TRAPPC9: variants seen among roughly 807,000 people sequenced by gnomAD.
TRAPPC9 encodes the protein IKK2 binding protein.
TRAPPC9 carries 83 observed loss-of-function variants against 124.0 expected under a neutral mutation model. The observed-to-expected ratio is 0.67, with a 90% confidence interval of 0.56 to 0.80. The LOEUF is 0.80. Ranked by LOEUF, TRAPPC9 falls within the 30% of genes least tolerant of loss-of-function variation. The pLI is 0.00. For synonymous variants in TRAPPC9, 638 were observed against 617.5 expected, an observed-to-expected ratio of 1.03 and a Z score of -0.49; for missense variants, 1,302 against 1,508.3, an observed-to-expected ratio of 0.86 and a Z score of 2.27.
chr8:140,148,534 A>G (rs2061494885), intron 17 of TRAPPC9, among the ~76,000 whole-genome samples: 1 of 152,220 alleles, frequency 6.6e-6, no homozygotes, highest in South Asian at 2.1e-4. Context: ...AAGGCCATAA[A>G]TAGTCCACAT....
At chr8:140,275,610 G>C (rs1321151859) in intron 15 of TRAPPC9, 48 bp downstream of exon 15, 11 of 1,584,466 alleles carry the variant, frequency 6.9e-6, no homozygotes, top group East Asian at 2.2e-5. Context: ...TCTTCTACAA[G>C]TAAACAATAC....
At chr8:140,316,679 C>T (rs929386621) in intron 9 of TRAPPC9, among the ~76,000 whole-genome samples, 1 of 152,174 alleles carries the variant, frequency 6.6e-6, no homozygotes, top group Admixed American at 6.5e-5. Context: ...ATCTAATCTT[C>T]ATCAGGGATA....
chr8:140,221,572 C>T lies in TRAPPC9; in HGVS notation c.2443G>A (p.Val815Met), dbSNP rs749646306. 1.2e-6 allele frequency: 2 copies of T among 1,613,906 alleles called. No homozygotes were observed. Among genetic ancestry groups the T allele is most frequent in the African/African-American group, 1.3e-5 (1 of 74,928 alleles). Residue 815 changes from valine (V) to methionine (M), a missense_variant, in exon 17 of 23, where the codon GTG becomes ATG. Physicochemically the swap from Val to Met is conservative, Grantham distance 21 (BLOSUM62 1). Around this residue, in one of 3 missense-constraint regions of TRAPPC9, gnomAD observed 640 missense variants for 679.3 expected, o/e 0.94. Transcript: ENST00000438773. ...LQDLSDDGIS[V>M]SGFPLSSPFR... ...GGACTGGACAGGGGAAAGCCACTCA[C>T]ACTGATTCCATCTACAAAATAAGAA...
chr8:140,019,425 T>G (rs1032171559), intron 18 of TRAPPC9, among the ~76,000 whole-genome samples: 6 of 152,146 alleles, frequency 3.9e-5, no homozygotes, highest in Admixed American at 3.9e-4. Context: ...TAGAGCCATC[T>G]GGGCCTAAAG....
chr8:140,290,871 G>T, intron 12 of TRAPPC9, 122 bp downstream of exon 12: 2 of 814,556 alleles, frequency 2.5e-6, no homozygotes, highest in Non-Finnish European at 2.1e-6. Flanking sequence ...ATATGCTTTG[G>T]CAAAACAAAC....
Position 140,097,755 on chromosome 8 carries a change from G to C in TRAPPC9, c.2557-73676C>G, listed in dbSNP as rs1275037179. 1.3e-5 allele frequency: 2 copies of C among 152,124 alleles called. No individual in the cohort carries two copies. The highest frequency in any genetic ancestry group is 4.8e-5 in the African/African-American group (2 of 41,408). 9.4% of individuals were successfully genotyped at this position (152,124 alleles called of 1,614,324 possible). ...AACCACAGGCGCGCTGCAGTCGGCA[G>C]AGTGAGGAGCCTGCCTGGGTCCTCC... On this transcript the variant is annotated intron_variant, in intron 17 of 22. Transcript: ENST00000438773. This position sits in a 1 kb window ranked among gnomAD's most constrained non-coding sequence, Gnocchi z 4.2.
At chr8:140,067,316 TG>T (rs1842939476) in intron 17 of TRAPPC9, among the ~76,000 whole-genome samples, 2 of 152,270 alleles carry the variant, frequency 1.3e-5, no homozygotes, top group South Asian at 4.2e-4. Flanking sequence ...GCTAATTTTT[TG>T]TATTTTTACT....
intron 18 of TRAPPC9, among the ~76,000 whole-genome samples, chr8:139,989,951 G>A (rs1227863582): frequency 1.3e-5 from 2 of 152,246 alleles, no homozygotes. Context: ...CTGCACCCAC[G>A]ACAGGACAGA....
chr8:139,892,763 A>G (rs1395077615), intron 20 of TRAPPC9, among the ~76,000 whole-genome samples: 1 of 152,170 alleles, frequency 6.6e-6, no homozygotes, highest in Non-Finnish European at 1.5e-5. Flanking sequence ...CCACTATAGA[A>G]GCGCATCGAG....
intron 17 of TRAPPC9, among the ~76,000 whole-genome samples, chr8:140,207,761 A>G (rs2062961484): frequency 6.6e-6 from 1 of 152,208 alleles, no homozygotes; most frequent in Non-Finnish European, 1.5e-5. Context: ...AGAATACTGA[A>G]GCGGGGCTGG....
At chr8:140,113,889 C>G (rs543439944) in intron 17 of TRAPPC9, among the ~76,000 whole-genome samples, 8 of 152,212 alleles carry the variant, frequency 5.3e-5, no homozygotes, top group Admixed American at 1.3e-4. Flanking sequence ...GTCCCTGACA[C>G]AATCAAAGCC....
At chr8:140,233,497 C>T (rs367692615) in intron 16 of TRAPPC9, among the ~76,000 whole-genome samples, 1 of 151,966 alleles carries the variant, frequency 6.6e-6, no homozygotes, top group South Asian at 2.1e-4. Flanking sequence ...AGACACCGTG[C>T]CCAGCCTCAA....
intron 21 of TRAPPC9, among the ~76,000 whole-genome samples, chr8:139,814,267 G>A (rs114516748): frequency 0.013 from 1,928 of 152,314 alleles, 40 homozygotes; most frequent in African/African-American, 0.044. Context: ...ATGAAGCCTC[G>A]AGCTGGGCCT....
intron 17 of TRAPPC9, among the ~76,000 whole-genome samples, chr8:140,139,735 A>G (rs1212162647): frequency 6.6e-6 from 1 of 152,158 alleles, no homozygotes. Flanking sequence ...TAGGTTTGGG[A>G]CAGCTGCTAC....
At chr8:140,363,785 A>G (rs1230806809) in intron 8 of TRAPPC9, among the ~76,000 whole-genome samples, 1 of 151,844 alleles carries the variant, frequency 6.6e-6, no homozygotes, top group Middle Eastern at 3.2e-3. Context: ...TTTAGTAGAG[A>G]CGGGGTTTCA....
chr8:140,283,088 A>C (rs1024328745), intron 14 of TRAPPC9, among the ~76,000 whole-genome samples: 2 of 151,680 alleles, frequency 1.3e-5, no homozygotes, highest in Admixed American at 1.3e-4. Flanking sequence ...AAATACAAAA[A>C]TTGGCCAGGC....
intron 7 of TRAPPC9, among the ~76,000 whole-genome samples, chr8:140,394,553 A>G (rs2069030912): frequency 6.6e-6 from 1 of 152,242 alleles, no homozygotes; most frequent in East Asian, 1.9e-4. Context: ...TGTGAACCTG[A>G]GCCCATCTGA....
chr8:140,385,074 G>A (rs2132312845), intron 7 of TRAPPC9, among the ~76,000 whole-genome samples: 1 of 152,266 alleles, frequency 6.6e-6, no homozygotes, highest in South Asian at 2.1e-4. Flanking sequence ...TGACTACTGG[G>A]TACATAACGA....
intron 5 of TRAPPC9, among the ~76,000 whole-genome samples, chr8:140,425,237 A>T (rs1233818545): frequency 1.3e-5 from 2 of 152,250 alleles, no homozygotes; most frequent in Non-Finnish European, 2.9e-5. Flanking sequence ...AGGAACCAGA[A>T]TGTGGGGCCA....
Sources: allele counts gnomAD v4.1 joint callset (sites outside exome capture counted in the v4.1 genomes callset), GRCh38; gene constraint gnomAD v4.1.1; regional missense constraint gnomAD v4.1.1; non-coding constraint Gnocchi (gnomAD v3.1); transcripts MANE v1.5; gene names NCBI Gene and HGNC (gene_info 2026-07-23, HGNC 2026-07-21).